The following CA1 variants were observed in gnomAD, a reference collection of about 807,000 sequenced individuals.
CA1 encodes the protein carbonate dehydratase I.
In CA1, 27 loss-of-function variants were observed where a neutral mutation model predicts 28.8. That is an observed-to-expected ratio of 0.94 (90% CI 0.69 to 1.29). The LOEUF is 1.29. Ranked by LOEUF, CA1 falls within the 50% of genes most tolerant of loss-of-function variation. CA1 has a pLI of 0.00. For missense variants in CA1, 335 were observed against 310.5 expected (o/e 1.08, Z -0.59); for synonymous variants, 121 against 108.8 (o/e 1.11, Z -0.70).
At chr8:85,338,977 A>C (rs1295647695) in intron 2 of CA1, among the ~76,000 whole-genome samples, 6 of 151,582 alleles carry the variant, frequency 4.0e-5, no homozygotes, top group Admixed American at 3.9e-4. Context: ...TGGTCTCCCA[A>C]AGTGCTGGGA....
chr8:85,354,975 C>T (rs1034078974), intron 1 of CA1, among the ~76,000 whole-genome samples: 3 of 152,162 alleles, frequency 2.0e-5, no homozygotes, highest in South Asian at 2.1e-4. Flanking sequence ...TAGACTGTGA[C>T]GTTGCCTTTG....
Position 85,337,126 on chromosome 8 carries a change from T to G in CA1, c.236-63A>C, listed in dbSNP as rs746485384. 556 of 918,724 alleles carry G rather than the reference T, an allele frequency of 6.1e-4. 2 individuals carry two copies. Among genetic ancestry groups the G allele is most frequent in the Admixed American group, 2.7e-4 (16 of 59,034 alleles). 56.9% of individuals were successfully genotyped at this position (918,724 alleles called of 1,614,324 possible). ...CACAAACTCTAGCTTATCTTTGCAT[T>G]TAATATAAACCAACACTAAATTGTA... is the stretch of plus-strand genomic sequence containing the variant. On this transcript the variant is annotated intron_variant, in intron 3 of 7. Coordinates refer to ENST00000523022, the MANE Select transcript of CA1 (RefSeq NM_001128831.4).
At chr8:85,348,312 G>A (rs1809280190) in intron 1 of CA1, among the ~76,000 whole-genome samples, 1 of 152,072 alleles carries the variant, frequency 6.6e-6, no homozygotes, top group Admixed American at 6.6e-5. Context: ...ATACAGGGTG[G>A]TGACTTGCTC....
chr8:85,337,655 T>A (rs1054839274), intron 3 of CA1, among the ~76,000 whole-genome samples: 2 of 152,168 alleles, frequency 1.3e-5, no homozygotes, highest in Non-Finnish European at 2.9e-5. Context: ...AGACCTAATC[T>A]AATATTAATA....
intron 6 of CA1, chr8:85,332,282 C>A (rs1321574344): frequency 3.7e-6 from 2 of 539,210 alleles, no homozygotes; most frequent in Non-Finnish European, 6.7e-6. Flanking sequence ...AATAAATAAA[C>A]CATAACTATG....
chr8:85,363,642 C>T (rs1809888562), intron 1 of CA1, among the ~76,000 whole-genome samples: 1 of 152,204 alleles, frequency 6.6e-6, no homozygotes, highest in African/African-American at 2.4e-5. Flanking sequence ...CTTCACAACC[C>T]CTCTGGTGTT....
chr8:85,328,075 G>A lies in CA1; in HGVS notation c.*485C>T, dbSNP rs893281643. ...ATCTCAGCTATATTTTTGTCTTCAG[G>A]AGTAAGCAAATGAATTTCCCAATAT... On this transcript the variant is annotated 3_prime_UTR_variant, in exon 8 of 8. Coordinates refer to ENST00000523022, the MANE Select transcript of CA1 (RefSeq NM_001128831.4). 1 of 155,618 alleles carries A rather than the reference G, an allele frequency of 6.4e-6. No individual in the cohort carries two copies. The highest frequency in any genetic ancestry group is 1.4e-5 in the Non-Finnish European group (1 of 70,472). 9.6% of individuals were successfully genotyped at this position (155,618 alleles called of 1,614,324 possible). A position where few individuals can be genotyped will look rare whatever the true frequency, so the allele number is the denominator to read the frequency against.
chr8:85,372,611 C>A (rs1313401185), intron 1 of CA1, among the ~76,000 whole-genome samples: 1 of 152,182 alleles, frequency 6.6e-6, no homozygotes, highest in East Asian at 1.9e-4. Flanking sequence ...AAATGTGGTA[C>A]TATATATACA....
At chr8:85,346,391 C>T (rs1809184732) in intron 1 of CA1, among the ~76,000 whole-genome samples, 1 of 152,124 alleles carries the variant, frequency 6.6e-6, no homozygotes, top group Admixed American at 6.5e-5. Context: ...ATTAATGAGT[C>T]TTATAGAACA....
chr8:85,352,988 G>A (rs1385779030), intron 1 of CA1, among the ~76,000 whole-genome samples: 1 of 152,154 alleles, frequency 6.6e-6, no homozygotes. Context: ...GCTTAGACCA[G>A]AGGCTGAGAG....
intron 1 of CA1, among the ~76,000 whole-genome samples, chr8:85,344,266 AATATATAATTATATATT>A (rs1809073819): frequency 3.9e-5 from 3 of 76,290 alleles, no homozygotes; most frequent in South Asian, 4.0e-4. Context: ...TACAGTATAT[AATATATAATTATATATT>A]ATATACAGTA....
chr8:85,345,377 T>C (rs1281811159), intron 1 of CA1, among the ~76,000 whole-genome samples: 6 of 152,208 alleles, frequency 3.9e-5, no homozygotes, highest in Admixed American at 2.6e-4. Context: ...CACTCCATTA[T>C]ATCATTCTGT....
chr8:85,358,378 C>T (rs544822955), intron 1 of CA1, among the ~76,000 whole-genome samples: 1 of 152,206 alleles, frequency 6.6e-6, no homozygotes, highest in Non-Finnish European at 1.5e-5. Flanking sequence ...TTTATTTTTT[C>T]GGAGCTTTTA....
At chr8:85,354,426 G>A (rs1408117355) in intron 1 of CA1, among the ~76,000 whole-genome samples, 1 of 152,016 alleles carries the variant, frequency 6.6e-6, no homozygotes, top group African/African-American at 2.4e-5. Context: ...TAGCAGAGAA[G>A]TCCATTCTTC....
chr8:85,350,988 A>G lies in CA1; in HGVS notation c.-24-9329T>C, dbSNP rs182948733. The stretch of plus-strand genomic sequence containing the variant: ...TTTGTCACTCCTGTCTCAGGCTCCA[A>G]GAGTCCTCATACAGTCCCCTGCAGA... On this transcript the variant is annotated intron_variant, in intron 1 of 7. Transcript: ENST00000523022. 1.8e-4 allele frequency among the ~76,000 whole-genome samples: 27 copies of G among 152,320 alleles called. No individual in the cohort carries two copies. In the East Asian group the frequency reaches 4.8e-3, roughly 27 times the overall value.
chr8:85,366,435 A>G (rs567316203), intron 1 of CA1, among the ~76,000 whole-genome samples: 2 of 152,288 alleles, frequency 1.3e-5, no homozygotes, highest in South Asian at 2.1e-4. Context: ...AAGATCATCT[A>G]TGTGACCACT....
At chr8:85,338,488 A>C in intron 2 of CA1, 39 bp from the exon 3 acceptor site, 1 of 1,515,606 alleles carries the variant, frequency 6.6e-7, no homozygotes, top group Non-Finnish European at 9.2e-7. Flanking sequence ...TGTCTTATCA[A>C]ATGCTTGATT....
At chr8:85,356,202 G>A (rs1425475977) in intron 1 of CA1, among the ~76,000 whole-genome samples, 1 of 152,130 alleles carries the variant, frequency 6.6e-6, no homozygotes, top group East Asian at 1.9e-4. Flanking sequence ...TCTACACACA[G>A]CTTTTCTCAT....
At chr8:85,347,278 G>A (rs915498225) in intron 1 of CA1, among the ~76,000 whole-genome samples, 2 of 152,162 alleles carry the variant, frequency 1.3e-5, no homozygotes, top group Non-Finnish European at 2.9e-5. Context: ...AATACAATGT[G>A]TGTGTCTCAA....
Sources: allele counts gnomAD v4.1 joint callset (sites outside exome capture counted in the v4.1 genomes callset), GRCh38; gene constraint gnomAD v4.1.1; transcripts MANE v1.5; gene names NCBI Gene and HGNC (gene_info 2026-07-23, HGNC 2026-07-21).